Variants in KCND2 observed in about 807,000 individuals in gnomAD.
KCND2 encodes the protein A-type voltage-gated potassium channel KCND2.
In KCND2, 16 loss-of-function variants were observed where a neutral mutation model predicts 54.4. The ratio of observed to expected loss-of-function variants is 0.29; its 90% CI spans 0.20 to 0.45. The LOEUF is 0.45. Among genes scored for constraint, KCND2 ranks in the 20% least tolerant of loss-of-function variants. The pLI is 1.00. For missense variants in KCND2, 486 were observed against 824.2 expected (o/e 0.59, Z 5.02); for synonymous variants, 317 against 310.7 (o/e 1.02, Z -0.21).
chr7:120,567,388 C>T (rs1477079401), intron 1 of KCND2, among the ~76,000 whole-genome samples: 2 of 152,174 alleles, frequency 1.3e-5, no homozygotes, highest in Non-Finnish European at 2.9e-5. Context: ...AAATGACTGC[C>T]TTGTGTGTCT....
intron 1 of KCND2, among the ~76,000 whole-genome samples, chr7:120,444,741 A>G (rs1801994850): frequency 6.6e-6 from 1 of 152,130 alleles, no homozygotes; most frequent in South Asian, 2.1e-4. Context: ...TTTTAAGCAA[A>G]TATATAATAA....
intron 1 of KCND2, among the ~76,000 whole-genome samples, chr7:120,316,476 C>A (rs769863879): frequency 7.2e-5 from 11 of 152,190 alleles, no homozygotes; most frequent in Non-Finnish European, 1.5e-4. Flanking sequence ...TAACTCATTT[C>A]TCCTAGACTT....
At chr7:120,617,447 T>C (rs945918044) in intron 1 of KCND2, among the ~76,000 whole-genome samples, 1 of 152,110 alleles carries the variant, frequency 6.6e-6, no homozygotes, top group African/African-American at 2.4e-5. Context: ...TGAGATTCTA[T>C]TTCACACCAG....
chr7:120,361,504 C>T (rs1800592423), intron 1 of KCND2, among the ~76,000 whole-genome samples: 1 of 151,652 alleles, frequency 6.6e-6, no homozygotes. Context: ...CCTTCCTGTG[C>T]TTAGAAGGGC....
chr7:120,573,655 C>A (rs148506150), intron 1 of KCND2, among the ~76,000 whole-genome samples: 94 of 152,232 alleles, frequency 6.2e-4, no homozygotes, highest in African/African-American at 2.2e-3. Context: ...ATATTTCATT[C>A]ATTAAGAAGT....
intron 1 of KCND2, among the ~76,000 whole-genome samples, chr7:120,368,993 T>C (rs1192319347): frequency 6.6e-6 from 1 of 152,096 alleles, no homozygotes; most frequent in African/African-American, 2.4e-5. Context: ...AAGCTGGAGC[T>C]ACTGTTTGTT....
At position 120,399,302 on chromosome 7, in the gene KCND2, G is replaced by T. The variant is rs1473421908; in HGVS notation, c.1115+123555G>T. Among the ~76,000 whole-genome samples, 9 of 151,828 alleles carry T rather than the reference G, an allele frequency of 5.9e-5. No individual in the cohort carries two copies. The South Asian group carries it at 1.9e-3, about 32-fold the overall frequency. The stretch of plus-strand genomic sequence containing the variant: ...TTATATCGTCTCCCTGACAACATGG[G>T]ATCAGACTCTGTCATCAGAGTTTAT... On this transcript the variant is annotated intron_variant, in intron 1 of 5. Coordinates refer to ENST00000331113, the MANE Select transcript of KCND2 (RefSeq NM_012281.3).
At chr7:120,683,183 C>T (rs1218743265) in intron 1 of KCND2, among the ~76,000 whole-genome samples, 3 of 152,146 alleles carry the variant, frequency 2.0e-5, no homozygotes, top group Non-Finnish European at 4.4e-5. Context: ...AAGCATCATG[C>T]CTTTCATCCT....
intron 1 of KCND2, among the ~76,000 whole-genome samples, chr7:120,673,879 C>T (rs1191066842): frequency 6.6e-6 from 1 of 151,148 alleles, no homozygotes; most frequent in Non-Finnish European, 1.5e-5. Context: ...CTTTTTCCAG[C>T]CTTCCCCTCA....
At chr7:120,555,241 G>C (rs1386266647) in intron 1 of KCND2, among the ~76,000 whole-genome samples, 1 of 152,126 alleles carries the variant, frequency 6.6e-6, no homozygotes, top group Admixed American at 6.5e-5. Flanking sequence ...TGGGTTTGGG[G>C]TGATTGTAAC....
intron 2 of KCND2, among the ~76,000 whole-genome samples, chr7:120,740,388 T>A (rs1792926022): frequency 6.6e-6 from 1 of 152,076 alleles, no homozygotes; most frequent in African/African-American, 2.4e-5. Context: ...AAGATAGTAT[T>A]TTTCTAGGTT....
chr7:120,654,437 A>G (rs1791776084), intron 1 of KCND2, among the ~76,000 whole-genome samples: 1 of 152,174 alleles, frequency 6.6e-6, no homozygotes. Context: ...ACAATTAATT[A>G]TTTACAGAAT....
chr7:120,716,934 A>C (rs1337914559), intron 1 of KCND2, among the ~76,000 whole-genome samples: 1 of 152,074 alleles, frequency 6.6e-6, no homozygotes, highest in East Asian at 1.9e-4. Flanking sequence ...TTTTTTTTCT[A>C]TACATATATA....
chr7:120,686,109 T>G (rs1421535709), intron 1 of KCND2, among the ~76,000 whole-genome samples: 1 of 152,172 alleles, frequency 6.6e-6, no homozygotes, highest in Non-Finnish European at 1.5e-5. Flanking sequence ...ATGTTTGTGT[T>G]TCTGGCACCC....
At chr7:120,673,533 T>C (rs1792019680) in intron 1 of KCND2, among the ~76,000 whole-genome samples, 2 of 152,158 alleles carry the variant, frequency 1.3e-5, no homozygotes, top group Admixed American at 6.5e-5. Flanking sequence ...ATGTTCGTGC[T>C]GCAAATCTAA....
intron 1 of KCND2, among the ~76,000 whole-genome samples, chr7:120,491,088 G>T (rs576803796): frequency 6.6e-6 from 1 of 152,104 alleles, no homozygotes; most frequent in Non-Finnish European, 1.5e-5. Context: ...TCATATAGGA[G>T]CATTCAATTG....
chr7:120,678,654 A>C (rs542701372), intron 1 of KCND2, among the ~76,000 whole-genome samples: 3 of 147,408 alleles, frequency 2.0e-5, no homozygotes, highest in South Asian at 4.2e-4. Context: ...ATATATACAC[A>C]TACACACACA....
At chr7:120,705,463 A>C (rs1282906329) in intron 1 of KCND2, among the ~76,000 whole-genome samples, 1 of 152,172 alleles carries the variant, frequency 6.6e-6, no homozygotes, top group Non-Finnish European at 1.5e-5. Context: ...CTTTCCAGTT[A>C]TGTGACCTTT....
chr7:120,357,575 A>G (rs1305302166), intron 1 of KCND2, among the ~76,000 whole-genome samples: 2 of 152,100 alleles, frequency 1.3e-5, no homozygotes, highest in African/African-American at 4.8e-5. Flanking sequence ...ATTTTGATTC[A>G]TGCACTCCAG....
Sources: allele counts gnomAD v4.1 joint callset (sites outside exome capture counted in the v4.1 genomes callset), GRCh38; gene constraint gnomAD v4.1.1; transcripts MANE v1.5; gene names NCBI Gene and HGNC (gene_info 2026-07-23, HGNC 2026-07-21).